RUVBL2: variants seen among roughly 807,000 people sequenced by gnomAD.
RUVBL2 encodes ruvB-like 2.
Under a neutral mutation model 57.9 loss-of-function variants are expected in RUVBL2, and 9 were observed. That is an observed-to-expected ratio of 0.16 (90% CI 0.09 to 0.27). The LOEUF is 0.27. Among genes scored for constraint, RUVBL2 ranks in the 10% least tolerant of loss-of-function variants. The pLI, the probability that RUVBL2 is intolerant of heterozygous loss-of-function variation, is 1.00. For missense variants in RUVBL2, 456 were observed against 669.6 expected, an observed-to-expected ratio of 0.68 and a Z score of 3.52; for synonymous variants, 278 against 264.6, an observed-to-expected ratio of 1.05 and a Z score of -0.49.
At chr19:49,007,199 C>A (rs772839384) in intron 5 of RUVBL2, 52 bp downstream of exon 5, 1 of 1,609,848 alleles carries the variant, frequency 6.2e-7, no homozygotes, top group East Asian at 2.2e-5. Flanking sequence ...GGGAGCAACC[C>A]CGCACCCCGG....
chr19:49,010,478 C>CCCCCCCCCCA lies in RUVBL2; in HGVS notation c.664-10_664-9insCCCCCCCCCA. On this transcript the variant is annotated splice_polypyrimidine_tract_variant and intron_variant, in intron 8 of 14. Transcript: ENST00000595090. ...GTCTCCGCCGTTCTTCCCCCACCCCCGCCCCATAGACCAAGTTCGTGCAGT... is the reference window on the plus strand; with the variant it reads ...GTCTCCGCCGTTCTTCCCCCACCCCCCCCCCCCCCAGCCCCATAGACCAAGTTCGTGCAGT... The CCCCCCCCCCA allele has an allele frequency of 1.3e-6, 2 of 1,574,634 alleles. No individual in the cohort carries two copies. The highest frequency in any genetic ancestry group is 1.7e-6 in the Non-Finnish European group (2 of 1,147,028).
chr19:48,995,248 G>T (rs577815806), intron 1 of RUVBL2, among the ~76,000 whole-genome samples: 8 of 151,970 alleles, frequency 5.3e-5, no homozygotes, highest in Non-Finnish European at 1.0e-4. Flanking sequence ...TGATGAAAGA[G>T]AAAGTCTTTA....
intron 11 of RUVBL2, among the ~76,000 whole-genome samples, chr19:49,013,663 C>A (rs2039480670): frequency 6.6e-6 from 1 of 152,142 alleles, no homozygotes; most frequent in Non-Finnish European, 1.5e-5. Flanking sequence ...ACCTGTAATC[C>A]CAGCACTTTG....
In RUVBL2 at chr19:49,003,170, A is replaced by C. The variant is rs557170168; in HGVS notation, c.68-109A>C. 3.1e-4 allele frequency: 224 copies of C among 712,422 alleles called. 4 individuals are homozygous for C. The highest frequency in any genetic ancestry group is 3.0e-3 in the South Asian group (217 of 73,230). The allele number at this position is 712,422 out of a possible 1,614,324, so 44.1% of individuals were successfully genotyped here. A position where few individuals can be genotyped will look rare whatever the true frequency, so the allele number is the denominator to read the frequency against. On this transcript the variant is annotated intron_variant, in intron 2 of 14. Transcript: ENST00000595090. ...TTCATTCCCCCAACCCCTGCTCCCT[A>C]CTCCCACCCACCCCTTTGACAAAGA...
chr19:49,006,136 A>G (rs1198666017), intron 4 of RUVBL2, among the ~76,000 whole-genome samples: 4 of 152,174 alleles, frequency 2.6e-5, no homozygotes, highest in Admixed American at 2.6e-4. Context: ...GTGCTCGTCC[A>G]CTCAGCCCTC....
At chr19:48,999,205 C>G (rs1262229271) in intron 1 of RUVBL2, 114 bp from the exon 2 acceptor site, 3 of 1,142,868 alleles carry the variant, frequency 2.6e-6, no homozygotes, top group Non-Finnish European at 4.0e-6. Context: ...CCTGTCCCAT[C>G]GCCTGCCTGT....
Position 49,015,283 on chromosome 19 carries a change from G to A in RUVBL2, c.1251+133G>A, listed in dbSNP as rs1290844527. 9 of 1,299,968 alleles carry A rather than the reference G, an allele frequency of 6.9e-6. No homozygotes were observed. The South Asian group carries it at 9.8e-5, about 14-fold the overall frequency. The allele number at this position is 1,299,968 out of a possible 1,614,324, so 80.5% of individuals were successfully genotyped here. A position where few individuals can be genotyped will look rare whatever the true frequency, so the allele number is the denominator to read the frequency against. On this transcript the variant is annotated intron_variant, in intron 13 of 14. Coordinates refer to ENST00000595090, the MANE Select transcript of RUVBL2 (RefSeq NM_006666.3). The stretch of plus-strand genomic sequence containing the variant: ...GCAGGGAATTTTCATCCCTCAGGTT[G>A]GCTTCTGTATCATCCAGCCTGGCCT...
At position 49,014,960 on chromosome 19, in the gene RUVBL2, CT is replaced by C. The variant is rs1364825897; in HGVS notation, c.1122-59del. 2.6e-6 allele frequency: 4 copies of C among 1,552,154 alleles called. No individual in the cohort carries two copies. The African/African-American group carries it at 5.5e-5, about 21-fold the overall frequency. On this transcript the variant is annotated intron_variant, in intron 12 of 14. Coordinates refer to ENST00000595090, the MANE Select transcript of RUVBL2 (RefSeq NM_006666.3). ...AAGGGCCAGAGGGTTGCTGTGGCCA[CT>C]TCTGCTGCAGTCAGAGGCTGGGCCC... is the stretch of plus-strand genomic sequence containing the variant.
chr19:49,010,467 T>TGGGGG, intron 8 of RUVBL2, 21 bp from the exon 9 acceptor site: 11 of 1,401,184 alleles, frequency 7.9e-6, no homozygotes, highest in Non-Finnish European at 8.9e-6. Flanking sequence ...CCGCCGTTCT[T>TGGGGG]CCCCCACCCC....
chr19:49,012,570 A>C (rs1164692236), intron 11 of RUVBL2, among the ~76,000 whole-genome samples: 1 of 152,126 alleles, frequency 6.6e-6, no homozygotes, highest in Non-Finnish European at 1.5e-5. Flanking sequence ...GTATCTGAGA[A>C]TCTCGCTTGC....
Position 49,002,438 on chromosome 19 carries a change from A to G in RUVBL2, c.68-841A>G, listed in dbSNP as rs114677466. Among the ~76,000 whole-genome samples, 1,094 of 152,196 alleles carry G rather than the reference A, an allele frequency of 7.2e-3. 15 individuals are homozygous for G. Among genetic ancestry groups the G allele is most frequent in the African/African-American group, 0.02 (834 of 41,528 alleles). ...ATCTAATGTAAAGCATGGGAATCCC[A>G]TCTTCCCCTCTCGCTGGCTGTGTGG... On this transcript the variant is annotated intron_variant, in intron 2 of 14. Coordinates refer to ENST00000595090, the MANE Select transcript of RUVBL2 (RefSeq NM_006666.3).
intron 12 of RUVBL2, among the ~76,000 whole-genome samples, 157 bp from the exon 13 acceptor site, chr19:49,014,862 CCT>C (rs766873721): frequency 1.3e-5 from 2 of 152,192 alleles, no homozygotes; most frequent in African/African-American, 4.8e-5. Flanking sequence ...CAGCCCAGCC[CCT>C]GTCTCCGTGG....
At chr19:49,015,203 G>T (rs1310971747) in intron 13 of RUVBL2, 53 bp downstream of exon 13, 33 of 1,583,636 alleles carry the variant, frequency 2.1e-5, no homozygotes, top group Non-Finnish European at 2.4e-5. Flanking sequence ...GAGTGACACA[G>T]TACTTCAGGG....
intron 6 of RUVBL2, among the ~76,000 whole-genome samples, chr19:49,008,442 G>GTGTTAGCCAGGA (rs1442458528): frequency 6.7e-6 from 1 of 149,072 alleles, no homozygotes. Flanking sequence ...GGGTTTCACT[G>GTGTTAGCCAGGA]TGGTCTCGAT....
At position 48,999,392 on chromosome 19, in the gene RUVBL2, G is replaced by A; in HGVS notation, c.67+19G>A. The A allele has an allele frequency of 6.2e-7, 1 of 1,613,884 alleles. No individual in the cohort carries two copies. Among genetic ancestry groups the A allele is most frequent in the Non-Finnish European group, 8.5e-7 (1 of 1,179,748 alleles). On this transcript the variant is annotated intron_variant, in intron 2 of 14. Coordinates refer to ENST00000595090, the MANE Select transcript of RUVBL2 (RefSeq NM_006666.3). ...CGAATCGGTGAGTGAGTTGGGTCAG[G>A]AATAGGACCTAAGCCCTGCCTGCCA...
At chr19:49,012,675 G>A (rs1021240196) in intron 11 of RUVBL2, among the ~76,000 whole-genome samples, 18 of 152,336 alleles carry the variant, frequency 1.2e-4, no homozygotes, top group African/African-American at 4.3e-4. Context: ...GAGTGTGAAC[G>A]AGGCAACACT....
chr19:49,006,945 A>G, intron 4 of RUVBL2, 73 bp from the exon 5 acceptor site: 2 of 1,573,550 alleles, frequency 1.3e-6, no homozygotes, highest in Admixed American at 1.7e-5. Context: ...GAGAAAAGCT[A>G]GTTTGCCACA....
chr19:48,995,583 C>T (rs1233267827), intron 1 of RUVBL2, among the ~76,000 whole-genome samples: 12 of 151,792 alleles, frequency 7.9e-5, no homozygotes, highest in Admixed American at 7.9e-4. Context: ...GGCACAGTGG[C>T]TCACGCCTGT....
intron 3 of RUVBL2, among the ~76,000 whole-genome samples, chr19:49,003,784 A>AG (rs2122605025): frequency 6.6e-6 from 1 of 151,534 alleles, no homozygotes; most frequent in African/African-American, 2.4e-5. Flanking sequence ...AAAAAAAAAA[A>AG]AGAATTGGGA....
Sources: allele counts gnomAD v4.1 joint callset (sites outside exome capture counted in the v4.1 genomes callset), GRCh38; gene constraint gnomAD v4.1.1; transcripts MANE v1.5; gene names NCBI Gene and HGNC (gene_info 2026-07-23, HGNC 2026-07-21).